Variants in RBFOX1 observed in about 807,000 individuals in gnomAD.
The protein encoded by RBFOX1 is RNA binding fox-1 homolog 1.
A neutral mutation model predicts 57.7 loss-of-function variants in RBFOX1; 8 were observed. The ratio of observed to expected loss-of-function variants is 0.14; its 90% CI spans 0.08 to 0.25. The LOEUF is 0.25. Ranked by LOEUF, RBFOX1 falls within the 10% of genes least tolerant of loss-of-function variation. The pLI is 1.00. For synonymous variants in RBFOX1, 326 were observed against 222.4 expected (o/e 1.47, Z -4.15); for missense variants, 611 against 548.5 (o/e 1.11, Z -1.14).
chr16:6,877,883 CT>C (rs2062133579), intron 3 of RBFOX1, among the ~76,000 whole-genome samples: 3 of 152,158 alleles, frequency 2.0e-5, no homozygotes, highest in Admixed American at 6.6e-5. Context: ...GAAAGGATTG[CT>C]TCCAGACTAA....
At chr16:7,700,767 G>A (rs543050909) in intron 14 of RBFOX1, among the ~76,000 whole-genome samples, 4 of 152,142 alleles carry the variant, frequency 2.6e-5, no homozygotes, top group African/African-American at 9.7e-5. Flanking sequence ...TCTACTCCGA[G>A]AGTGGCTGCT....
chr16:7,431,893 C>G (rs866646270), intron 4 of RBFOX1, among the ~76,000 whole-genome samples: 1 of 152,214 alleles, frequency 6.6e-6, no homozygotes, highest in East Asian at 1.9e-4. Flanking sequence ...CCCCCACCAT[C>G]CAGTTCACAG....
Position 6,019,944 on chromosome 16 carries a change from G to T in RBFOX1, c.-175G>T. The T allele has an allele frequency of 2.0e-6, 3 of 1,533,944 alleles. No individual in the cohort carries two copies. Among genetic ancestry groups the T allele is most frequent in the Non-Finnish European group, 8.7e-7 (1 of 1,145,802 alleles). On this transcript the variant is annotated 5_prime_UTR_variant, in exon 1 of 16. Coordinates refer to ENST00000550418, the MANE Select transcript of RBFOX1 (RefSeq NM_018723.4). This position sits in a 1 kb window ranked among gnomAD's most constrained non-coding sequence, Gnocchi z 4.2. ...TGCAGAGAGCGCACGGGAATTCGGG[G>T]GTCTGGGGCCGAGAACGTGACCGCA...
chr16:6,183,586 G>C (rs1471586358), intron 1 of RBFOX1, among the ~76,000 whole-genome samples: 1 of 152,004 alleles, frequency 6.6e-6, no homozygotes, highest in African/African-American at 2.4e-5. Context: ...TGAGAGAGGG[G>C]TCTGGGAATA....
chr16:5,870,012 G>A (rs74004659), intron 4 of RBFOX1, among the ~76,000 whole-genome samples: 2,447 of 151,834 alleles, frequency 0.016, 85 homozygotes, highest in African/African-American at 0.057. Context: ...ATCTATAGGT[G>A]TATGACACAA....
At chr16:5,282,701 A>T (rs2063301850) in intron 1 of RBFOX1, among the ~76,000 whole-genome samples, 1 of 152,248 alleles carries the variant, frequency 6.6e-6, no homozygotes, top group African/African-American at 2.4e-5. Context: ...GAGATTTCTA[A>T]GCAGCAAAGC....
At chr16:5,514,737 G>A (rs560031610) in intron 2 of RBFOX1, among the ~76,000 whole-genome samples, 3 of 152,130 alleles carry the variant, frequency 2.0e-5, no homozygotes, top group Non-Finnish European at 4.4e-5. Context: ...AGGAGGAGGA[G>A]GAGGGAAGGA....
intron 3 of RBFOX1, among the ~76,000 whole-genome samples, chr16:6,793,449 T>C (rs2083350581): frequency 6.6e-6 from 1 of 152,176 alleles, no homozygotes; most frequent in South Asian, 2.1e-4. Context: ...GAGAGAAATA[T>C]CCCTTCATCT....
At chr16:6,752,906 C>G (rs899967888) in intron 3 of RBFOX1, among the ~76,000 whole-genome samples, 1 of 151,480 alleles carries the variant, frequency 6.6e-6, no homozygotes. Flanking sequence ...GAATTTTTAT[C>G]TTCCTGTTGG....
intron 2 of RBFOX1, among the ~76,000 whole-genome samples, chr16:6,630,235 G>A (rs1373516918): frequency 6.6e-6 from 1 of 152,102 alleles, no homozygotes; most frequent in Admixed American, 6.6e-5. Context: ...GATGGAAGAT[G>A]CTTCTTCATC....
intron 4 of RBFOX1, among the ~76,000 whole-genome samples, chr16:7,072,098 T>C (rs1436607591): frequency 2.6e-5 from 4 of 152,190 alleles, no homozygotes; most frequent in African/African-American, 9.7e-5. Flanking sequence ...CTTTGTTCCT[T>C]TTACGGTAAA....
intron 2 of RBFOX1, among the ~76,000 whole-genome samples, chr16:6,416,044 G>C (rs890201434): frequency 1.3e-5 from 2 of 152,120 alleles, no homozygotes; most frequent in Non-Finnish European, 2.9e-5. Flanking sequence ...GCTACAACAG[G>C]TGTGCCAAAT....
At chr16:6,559,440 C>G (rs1363373241) in intron 2 of RBFOX1, among the ~76,000 whole-genome samples, 2 of 151,974 alleles carry the variant, frequency 1.3e-5, no homozygotes, top group African/African-American at 4.8e-5. Context: ...CATCTCAGCA[C>G]CATCTTCTCT....
chr16:7,304,194 G>A (rs1482538695), intron 4 of RBFOX1: 2 of 951,674 alleles, frequency 2.1e-6, no homozygotes, highest in East Asian at 1.3e-4. Context: ...GAAAGAGGGG[G>A]AGAGAGACAG....
chr16:7,505,010 AC>A (rs1949026696), intron 4 of RBFOX1, among the ~76,000 whole-genome samples: 2 of 150,584 alleles, frequency 1.3e-5, no homozygotes, highest in East Asian at 2.0e-4. Context: ...TAATGGGGAA[AC>A]TTTTTTCAGT....
chr16:7,014,230 A>G lies in RBFOX1; in HGVS notation c.-15-37827A>G, dbSNP rs75530871. Among the ~76,000 whole-genome samples, 1,365 of 152,112 alleles carry G rather than the reference A, an allele frequency of 9.0e-3. 22 individuals are homozygous for G. The highest frequency in any genetic ancestry group is 0.031 in the African/African-American group (1,290 of 41,482). On this transcript the variant is annotated intron_variant, in intron 3 of 15. Coordinates refer to ENST00000550418, the MANE Select transcript of RBFOX1 (RefSeq NM_018723.4). ...AAACTGAAGGTTTTGTTTGTTTTTGAAGTGGAGTCTCGCTCTGTCGCCCAG... is the reference window on the plus strand; with the variant it reads ...AAACTGAAGGTTTTGTTTGTTTTTGGAGTGGAGTCTCGCTCTGTCGCCCAG...
At chr16:6,636,452 G>A (rs759608542) in intron 2 of RBFOX1, among the ~76,000 whole-genome samples, 1 of 152,074 alleles carries the variant, frequency 6.6e-6, no homozygotes, top group Non-Finnish European at 1.5e-5. Flanking sequence ...TTACAGGCGT[G>A]AGCCACCGCA....
chr16:6,688,869 T>A (rs371181732), intron 3 of RBFOX1, among the ~76,000 whole-genome samples: 3 of 152,158 alleles, frequency 2.0e-5, no homozygotes, highest in African/African-American at 4.8e-5. Flanking sequence ...CTCCCACTTA[T>A]GAGGGAGAAC....
chr16:7,661,383 GAGCGTGGGTC>G (rs2067678915), intron 12 of RBFOX1, among the ~76,000 whole-genome samples: 1 of 152,132 alleles, frequency 6.6e-6, no homozygotes. Context: ...CAAGAAGCCA[GAGCGTGGGTC>G]TTCCAGCCAT....
Sources: gnomAD v4.1 joint callset for allele counts (sites outside exome capture counted in the v4.1 genomes callset) on GRCh38, gnomAD v4.1.1 for gene constraint, Gnocchi (gnomAD v3.1) non-coding constraint, MANE v1.5 for transcripts, NCBI Gene and HGNC (gene_info 2026-07-23, HGNC 2026-07-21) for gene names.